ANK2: variants seen among roughly 807,000 people sequenced by gnomAD.
The protein encoded by ANK2 is ankyrin-2.
In ANK2, 83 loss-of-function variants were observed where a neutral mutation model predicts 360.5. The ratio of observed to expected loss-of-function variants is 0.23; its 90% CI spans 0.19 to 0.28. ANK2 has a LOEUF of 0.28. Ranked by LOEUF, ANK2 falls within the 10% of genes least tolerant of loss-of-function variation. The probability of loss-of-function intolerance (pLI) is 1.00; values close to 1 mark genes in which losing one functional copy is unlikely to be tolerated. For synonymous variants in ANK2, 1,740 were observed against 1,759.5 expected, an observed-to-expected ratio of 0.99 and a Z score of 0.28; for missense variants, 4,201 against 4,795.7, an observed-to-expected ratio of 0.88 and a Z score of 3.66.
intron 2 of ANK2, among the ~76,000 whole-genome samples, chr4:112,910,446 G>C (rs2086740222): frequency 1.3e-5 from 2 of 152,198 alleles, no homozygotes; most frequent in Non-Finnish European, 2.9e-5. Flanking sequence ...TTATAAGAAA[G>C]GGGTACTGAA....
At chr4:113,223,418 A>G (rs1245786240) in intron 4 of ANK2, among the ~76,000 whole-genome samples, 1 of 152,090 alleles carries the variant, frequency 6.6e-6, no homozygotes, top group African/African-American at 2.4e-5. Flanking sequence ...CTTATTTCCT[A>G]CTGTTGGACT....
the ANK2 span, among the ~76,000 whole-genome samples, chr4:112,713,004 G>A: frequency 1.3e-5 from 2 of 152,096 alleles, no homozygotes; most frequent in Non-Finnish European, 2.9e-5. Context: ...TCCTACTGTA[G>A]TCAAACAAAG....
In ANK2 at chr4:112,983,508, C is replaced by T. The variant is rs551829784; in HGVS notation, c.21+78994C>T. On this transcript the variant is annotated intron_variant, in intron 2 of 30. Coordinates refer to the ANK2 transcript ENST00000503271. Reference sequence around the variant, plus strand: ...CCTGACCAACATGGAGAAACCCTGTCTCTACTAAAAAAAAAATACAAAATT... The same window carrying T: ...CCTGACCAACATGGAGAAACCCTGTTTCTACTAAAAAAAAAATACAAAATT... Among the ~76,000 whole-genome samples the T allele has an allele frequency of 3.1e-4, 47 of 151,900 alleles. No homozygotes were observed. The East Asian group carries it at 8.0e-3, about 26-fold the overall frequency.
At chr4:112,745,930 T>G in the ANK2 span, among the ~76,000 whole-genome samples, 1 of 152,186 alleles carries the variant, frequency 6.6e-6, no homozygotes, top group Non-Finnish European at 1.5e-5. Flanking sequence ...CCCTTCCTGG[T>G]CTCTGATAAC....
At chr4:112,821,978 G>A (rs2057181596) in intron 1 of ANK2, among the ~76,000 whole-genome samples, 1 of 151,598 alleles carries the variant, frequency 6.6e-6, no homozygotes, top group Admixed American at 6.6e-5. Context: ...TTGTTGCCCA[G>A]GCTGGTCTTG....
intron 2 of ANK2, among the ~76,000 whole-genome samples, chr4:112,987,878 T>A (rs542555476): frequency 1.4e-4 from 22 of 152,248 alleles, no homozygotes; most frequent in Admixed American, 3.3e-4. Flanking sequence ...TAACAATTTT[T>A]AGGAATATAT....
intron 2 of ANK2, among the ~76,000 whole-genome samples, chr4:112,997,838 CAT>C (rs962143954): frequency 1.8e-4 from 27 of 150,024 alleles, no homozygotes; most frequent in Admixed American, 6.0e-4. Flanking sequence ...ATACAAATGA[CAT>C]ATATATATAC....
At chr4:112,792,046 T>TTTTTTTTTTTTTTTTTTTTTTTTTC in the ANK2 span, among the ~76,000 whole-genome samples, 1 of 141,558 alleles carries the variant, frequency 7.1e-6, no homozygotes, top group Non-Finnish European at 1.5e-5. Flanking sequence ...TTTTTTTTTT[T>TTTTTTTTTTTTTTTTTTTTTTTTTC]TTTTTTTTTT....
chr4:112,788,784 A>G, the ANK2 span: 4 of 1,382,548 alleles, frequency 2.9e-6, no homozygotes, highest in Admixed American at 1.7e-5. Flanking sequence ...CCTTTCCTCA[A>G]ACAGGGGATT....
intron 1 of ANK2, among the ~76,000 whole-genome samples, chr4:113,061,431 T>G (rs1197821013): frequency 2.6e-5 from 4 of 152,162 alleles, no homozygotes; most frequent in Non-Finnish European, 4.4e-5. Context: ...ATTTATAGTT[T>G]GTCAAAATGA....
At chr4:112,777,355 C>T in the ANK2 span, among the ~76,000 whole-genome samples, 1 of 151,952 alleles carries the variant, frequency 6.6e-6, no homozygotes, top group African/African-American at 2.4e-5. Flanking sequence ...TCTCCTGCCT[C>T]AGCCTCCTGA....
chr4:113,196,310 AG>A, intron 2 of ANK2, 57 bp from the exon 3 acceptor site: 4 of 1,300,390 alleles, frequency 3.1e-6, no homozygotes, highest in Non-Finnish European at 3.3e-6. Context: ...GAGTAGGATC[AG>A]GGCACTATTT....
intron 18 of ANK2, among the ~76,000 whole-genome samples, chr4:113,285,599 A>G (rs2064149425): frequency 6.6e-6 from 1 of 152,098 alleles, no homozygotes. Flanking sequence ...CACAGCTTCC[A>G]TGCCCTTCCT....
chr4:113,192,444 C>T (rs1474000230), intron 2 of ANK2, among the ~76,000 whole-genome samples: 1 of 152,180 alleles, frequency 6.6e-6, no homozygotes, highest in Non-Finnish European at 1.5e-5. Context: ...CTTTATGCTA[C>T]TTCATGATTT....
At chr4:113,347,896 G>T in intron 35 of ANK2, 1 of 201,530 alleles carries the variant, frequency 5.0e-6, no homozygotes, top group Non-Finnish European at 1.0e-5. Flanking sequence ...TCCACCATAT[G>T]CTTATTTGTA....
At chr4:113,164,802 C>A (rs1185796251) in intron 1 of ANK2, among the ~76,000 whole-genome samples, 1 of 152,112 alleles carries the variant, frequency 6.6e-6, no homozygotes, top group Non-Finnish European at 1.5e-5. Flanking sequence ...TTAAGTATTG[C>A]AGTGGGATGA....
In ANK2 at chr4:112,874,908, G is replaced by T. The variant is rs369449220; in HGVS notation, c.-39-29547G>T. Among the ~76,000 whole-genome samples the T allele has an allele frequency of 5.9e-5, 9 of 152,304 alleles. No individual in the cohort carries two copies. The East Asian group carries it at 1.7e-3, about 29-fold the overall frequency. On this transcript the variant is annotated intron_variant, in intron 1 of 30. Transcript: ENST00000503271. Reference sequence around the variant, plus strand: ...TAGCTCAGCAAATATTTGTCGGATGGTAGTCAGAAGTATGGACTGAGAAAC... The same window carrying T: ...TAGCTCAGCAAATATTTGTCGGATGTTAGTCAGAAGTATGGACTGAGAAAC...
At chr4:112,885,518 C>G (rs1306426740) in intron 1 of ANK2, among the ~76,000 whole-genome samples, 1 of 147,014 alleles carries the variant, frequency 6.8e-6, no homozygotes, top group Non-Finnish European at 1.5e-5. Flanking sequence ...AAAAATTAGC[C>G]GGGCATGGTG....
intron 14 of ANK2, among the ~76,000 whole-genome samples, chr4:113,271,924 T>C: frequency 6.6e-6 from 1 of 152,156 alleles, no homozygotes; most frequent in East Asian, 1.9e-4. Context: ...TGGACATTAC[T>C]GAGAAGGCCA....
Sources: allele counts gnomAD v4.1 joint callset (sites outside exome capture counted in the v4.1 genomes callset), GRCh38; gene constraint gnomAD v4.1.1; transcripts MANE v1.5; gene names NCBI Gene and HGNC (gene_info 2026-07-23, HGNC 2026-07-21).